Variants in KHDRBS2 observed in about 807,000 individuals in gnomAD.
KHDRBS2 encodes the protein KH domain-containing, RNA-binding, signal transduction-associated protein 2.
KHDRBS2 carries 26 observed loss-of-function variants against 44.3 expected under a neutral mutation model. That is an observed-to-expected ratio of 0.59 (90% CI 0.43 to 0.81). The LOEUF (loss-of-function observed/expected upper bound fraction) is 0.81. Ranked by LOEUF, KHDRBS2 falls within the 40% of genes least tolerant of loss-of-function variation. KHDRBS2 has a pLI of 0.00. For missense variants in KHDRBS2, 476 were observed against 433.1 expected (o/e 1.10, Z -0.88); for synonymous variants, 194 against 151.1 (o/e 1.28, Z -2.08).
intron 6 of KHDRBS2, among the ~76,000 whole-genome samples, chr6:61,803,766 G>A (rs575820171): frequency 6.6e-6 from 1 of 152,084 alleles, no homozygotes; most frequent in Non-Finnish European, 1.5e-5. Flanking sequence ...TTCACAGGGT[G>A]GCAGGAGAGA....
chr6:62,165,315 G>T (rs965766134), intron 2 of KHDRBS2, among the ~76,000 whole-genome samples: 1 of 143,038 alleles, frequency 7.0e-6, no homozygotes. Flanking sequence ...AATTTTTTTT[G>T]GTGTATGAGA....
the KHDRBS2 span, among the ~76,000 whole-genome samples, chr6:61,574,086 G>C: frequency 6.6e-6 from 1 of 152,102 alleles, no homozygotes. Context: ...CAAGCCATAT[G>C]TAAAAAAATG....
At chr6:62,196,524 A>G (rs1411609855) in intron 1 of KHDRBS2, among the ~76,000 whole-genome samples, 1 of 152,126 alleles carries the variant, frequency 6.6e-6, no homozygotes, top group Non-Finnish European at 1.5e-5. Flanking sequence ...CTCCCTGTAC[A>G]GACTCATGTC....
intron 6 of KHDRBS2, among the ~76,000 whole-genome samples, chr6:61,820,398 G>C (rs914112959): frequency 2.0e-5 from 3 of 151,866 alleles, no homozygotes; most frequent in Non-Finnish European, 4.4e-5. Context: ...TGAAATATAA[G>C]ATTTTGGGCT....
intron 1 of KHDRBS2, among the ~76,000 whole-genome samples, chr6:62,225,239 C>T (rs181873273): frequency 6.5e-4 from 99 of 152,220 alleles, no homozygotes; most frequent in African/African-American, 2.3e-3. Context: ...GTTCACTTAT[C>T]CCACTGATCT....
chr6:61,993,811 T>C (rs1179545841), intron 3 of KHDRBS2, among the ~76,000 whole-genome samples: 1 of 151,750 alleles, frequency 6.6e-6, no homozygotes, highest in Non-Finnish European at 1.5e-5. Flanking sequence ...TTCTCACCTA[T>C]GAAGTTATTT....
intron 2 of KHDRBS2, among the ~76,000 whole-genome samples, chr6:62,075,185 T>G (rs994262648): frequency 3.9e-5 from 6 of 151,902 alleles, no homozygotes; most frequent in African/African-American, 1.4e-4. Context: ...GGTGATGGTA[T>G]TAAGAAGTGA....
chr6:62,124,619 AC>A (rs1263060556), intron 2 of KHDRBS2, among the ~76,000 whole-genome samples: 1 of 150,310 alleles, frequency 6.7e-6, no homozygotes, highest in Non-Finnish European at 1.5e-5. Flanking sequence ...ACACACACAC[AC>A]CACCTTTATC....
chr6:62,069,823 TATC>T (rs1166881653), intron 2 of KHDRBS2, among the ~76,000 whole-genome samples: 3 of 151,832 alleles, frequency 2.0e-5, no homozygotes, highest in African/African-American at 7.2e-5. Context: ...TTGAGAATGG[TATC>T]ATGGTCTGTG....
intron 3 of KHDRBS2, among the ~76,000 whole-genome samples, chr6:62,006,289 T>C (rs550728882): frequency 1.1e-3 from 162 of 152,164 alleles, no homozygotes; most frequent in Middle Eastern, 6.8e-3. Flanking sequence ...TTTGAAATTC[T>C]GAGAGTAAAA....
At chr6:62,064,269 G>A (rs907226670) in intron 2 of KHDRBS2, among the ~76,000 whole-genome samples, 2 of 148,528 alleles carry the variant, frequency 1.3e-5, no homozygotes, top group Admixed American at 6.9e-5. Context: ...TCACAGAATT[G>A]GAAAAAACTA....
the KHDRBS2 span, among the ~76,000 whole-genome samples, chr6:61,617,369 C>A: frequency 6.6e-6 from 1 of 152,110 alleles, no homozygotes; most frequent in African/African-American, 2.4e-5. Flanking sequence ...ATGCTTTGAT[C>A]TAGATTATCA....
intron 1 of KHDRBS2, among the ~76,000 whole-genome samples, chr6:62,240,672 G>GTGTATATATATATA (rs1252806819): frequency 9.4e-5 from 6 of 64,164 alleles, no homozygotes; most frequent in Admixed American, 1.9e-4. Flanking sequence ...ATGTGTGTGT[G>GTGTATATATATATA]TATATATATA....
At chr6:62,091,555 A>T (rs1271457061) in intron 2 of KHDRBS2, among the ~76,000 whole-genome samples, 1 of 152,208 alleles carries the variant, frequency 6.6e-6, no homozygotes, top group Non-Finnish European at 1.5e-5. Flanking sequence ...GTTTCTTAAA[A>T]GTCCATATGA....
chr6:62,266,795 C>A (rs1267572464), intron 1 of KHDRBS2, among the ~76,000 whole-genome samples: 1 of 151,874 alleles, frequency 6.6e-6, no homozygotes, highest in African/African-American at 2.4e-5. Context: ...TGCATTTTTT[C>A]TCCTTATTTT....
intron 7 of KHDRBS2, among the ~76,000 whole-genome samples, chr6:61,726,464 G>A (rs1462459252): frequency 2.0e-5 from 3 of 152,116 alleles, no homozygotes; most frequent in Non-Finnish European, 4.4e-5. Context: ...ATTCAAATAG[G>A]GAGAGAAGAA....
chr6:62,201,559 T>C (rs1322930126), intron 1 of KHDRBS2, among the ~76,000 whole-genome samples: 1 of 152,136 alleles, frequency 6.6e-6, no homozygotes, highest in African/African-American at 2.4e-5. Flanking sequence ...CTACCAAGTA[T>C]ATTAACAATA....
rs147450056 is a variant in KHDRBS2 at position 62,270,277 on chromosome 6, ATCTC to A, written c.91+15577_91+15580del. On this transcript the variant is annotated intron_variant, in intron 1 of 8. Coordinates refer to ENST00000281156, the MANE Select transcript of KHDRBS2 (RefSeq NM_152688.4). ...GTTGTTTAAAAGGGTGTGGAACCCC[ATCTC>A]TCTCTCTCTCTCTCTCTCTCCTCTC... Among the ~76,000 whole-genome samples, 409 of 120,678 alleles carry A rather than the reference ATCTC, an allele frequency of 3.4e-3. 5 individuals are homozygous for A. The highest frequency in any genetic ancestry group is 0.013 in the African/African-American group (382 of 30,420). 79.2% of individuals were successfully genotyped at this position (120,678 alleles called of 152,430 possible).
chr6:61,888,293 G>C (rs115215478), intron 6 of KHDRBS2, among the ~76,000 whole-genome samples: 2 of 152,092 alleles, frequency 1.3e-5, no homozygotes, highest in Non-Finnish European at 2.9e-5. Context: ...AGAGGTGACC[G>C]ATTAGTGCTA....
Sources: gnomAD v4.1 joint callset for allele counts (sites outside exome capture counted in the v4.1 genomes callset) on GRCh38, gnomAD v4.1.1 for gene constraint, MANE v1.5 for transcripts, NCBI Gene and HGNC (gene_info 2026-07-23, HGNC 2026-07-21) for gene names.